The following BCL6 variants were observed in gnomAD, a reference collection of about 807,000 sequenced individuals.
BCL6 encodes the protein BCL6 transcription repressor.
Under a neutral mutation model 59.5 loss-of-function variants are expected in BCL6, and 7 were observed. The observed-to-expected ratio is 0.12, with a 90% CI of 0.07 to 0.22. BCL6 has a LOEUF of 0.22. Ranked by LOEUF, BCL6 falls within the 10% of genes least tolerant of loss-of-function variation. The pLI is 1.00. For synonymous variants in BCL6, 339 were observed against 349.7 expected (o/e 0.97, Z 0.34); for missense variants, 685 against 939.4 (o/e 0.73, Z 3.54).
At chr3:187,737,001 C>T (rs1041440501) in intron 1 of BCL6, 3 of 152,124 alleles carry the variant, frequency 2.0e-5, no homozygotes, top group African/African-American at 4.8e-5. Flanking sequence ...CTGGACACGC[C>T]GCGTCTCCTA....
chr3:187,726,989 C>A, intron 6 of BCL6, 91 bp from the exon 7 acceptor site: 1 of 1,430,278 alleles, frequency 7.0e-7, no homozygotes, highest in Non-Finnish European at 9.6e-7. Flanking sequence ...ACCCCTTGTG[C>A]CAAACTGAAC....
At chr3:187,727,026 C>A in intron 6 of BCL6, 128 bp from the exon 7 acceptor site, 1 of 1,032,702 alleles carries the variant, frequency 9.7e-7, no homozygotes, top group Non-Finnish European at 1.4e-6. Flanking sequence ...ACCCACCCGA[C>A]ATTCATGGGA....
intron 1 of BCL6, among the ~76,000 whole-genome samples, chr3:187,739,614 TA>T (rs1221329796): frequency 6.6e-6 from 1 of 152,168 alleles, no homozygotes; most frequent in Non-Finnish European, 1.5e-5. Context: ...GGAAATGCAA[TA>T]AAACAGAGGG....
At chr3:187,745,223 T>C (rs140531551) in intron 1 of BCL6, among the ~76,000 whole-genome samples, 187 bp downstream of exon 1, 8 of 152,042 alleles carry the variant, frequency 5.3e-5, no homozygotes, top group Middle Eastern at 3.4e-3. Flanking sequence ...AATAAATAAA[T>C]ATATACATTT....
chr3:187,744,664 C>G (rs1711805771), intron 1 of BCL6, among the ~76,000 whole-genome samples: 1 of 152,084 alleles, frequency 6.6e-6, no homozygotes, highest in Admixed American at 6.5e-5. Context: ...ATCTAAAAGA[C>G]CGAGGCCGAT....
At chr3:187,744,455 C>T in intron 1 of BCL6, among the ~76,000 whole-genome samples, 1 of 152,242 alleles carries the variant, frequency 6.6e-6, no homozygotes, top group South Asian at 2.1e-4. Context: ...AACATCCCCG[C>T]CCCCAAGCTC....
chr3:187,743,724 C>G, intron 1 of BCL6, among the ~76,000 whole-genome samples: 1 of 139,138 alleles, frequency 7.2e-6, no homozygotes, highest in African/African-American at 3.1e-5. Context: ...GCTCCTGCTG[C>G]CCCCCCGCCC....
At chr3:187,745,108 A>G (rs1711867574) in intron 1 of BCL6, among the ~76,000 whole-genome samples, 3 of 152,188 alleles carry the variant, frequency 2.0e-5, no homozygotes, top group East Asian at 1.9e-4. Flanking sequence ...CGGCCGATTC[A>G]CTCAAAGACA....
chr3:187,735,610 T>C (rs2108473973), intron 1 of BCL6, among the ~76,000 whole-genome samples: 2 of 152,334 alleles, frequency 1.3e-5, no homozygotes, highest in African/African-American at 4.8e-5. Flanking sequence ...CAGAATGCCA[T>C]TGCTTCTAAG....
intron 4 of BCL6, among the ~76,000 whole-genome samples, chr3:187,731,442 T>A (rs1719036207): frequency 6.6e-6 from 1 of 151,860 alleles, no homozygotes; most frequent in Non-Finnish European, 1.5e-5. Context: ...AAGATTAGCC[T>A]TGCAGGATGG....
intron 6 of BCL6, 92 bp from the exon 7 acceptor site, chr3:187,726,990 C>G: frequency 7.0e-7 from 1 of 1,429,040 alleles, no homozygotes; most frequent in Non-Finnish European, 9.6e-7. Context: ...CCCCTTGTGC[C>G]AAACTGAACT....
At position 187,721,760 on chromosome 3, in the gene BCL6, C is replaced by CA. The variant is rs984090742; in HGVS notation, c.*697dup. 1 of 230,372 alleles carries CA rather than the reference C, an allele frequency of 4.3e-6. No homozygotes were observed. Among genetic ancestry groups the CA allele is most frequent in the Non-Finnish European group, 8.6e-6 (1 of 116,354 alleles). The allele number at this position is 230,372 out of a possible 1,614,324, so 14.3% of individuals were successfully genotyped here. A position where few individuals can be genotyped will look rare whatever the true frequency, so the allele number is the denominator to read the frequency against. On this transcript the variant is annotated 3_prime_UTR_variant, in exon 10 of 10. Coordinates refer to ENST00000406870, the MANE Select transcript of BCL6 (RefSeq NM_001706.5). This position sits in a 1 kb window ranked among gnomAD's most constrained non-coding sequence, Gnocchi z 4.2. ...TTTGTAAATTGTAAACCTTCACTTG[C>CA]AAAAAAATACAAATACACTGAGGCA...
chr3:187,739,107 C>T (rs1315677957), intron 1 of BCL6, among the ~76,000 whole-genome samples: 2 of 152,188 alleles, frequency 1.3e-5, no homozygotes, highest in African/African-American at 4.8e-5. Flanking sequence ...ATGCCTTCCG[C>T]CCTTCCCCCC....
chr3:187,744,870 G>C (rs1296410108), intron 1 of BCL6, among the ~76,000 whole-genome samples: 2 of 152,300 alleles, frequency 1.3e-5, no homozygotes, highest in South Asian at 2.1e-4. Context: ...CACGAATCCA[G>C]AGAGATCACA....
intron 1 of BCL6, among the ~76,000 whole-genome samples, chr3:187,744,959 A>C (rs576717855): frequency 5.3e-5 from 8 of 152,170 alleles, no homozygotes; most frequent in South Asian, 2.1e-4. Context: ...GACAGCCCCC[A>C]GACTAGCCCG....
In BCL6 at chr3:187,721,661, T is replaced by C. The variant is rs893457125; in HGVS notation, c.*797A>G. 4.3e-6 allele frequency: 1 copy of C among 232,964 alleles called. No individual in the cohort carries two copies. The allele number at this position is 232,964 out of a possible 1,614,324, so 14.4% of individuals were successfully genotyped here. A position where few individuals can be genotyped will look rare whatever the true frequency, so the allele number is the denominator to read the frequency against. On this transcript the variant is annotated 3_prime_UTR_variant, in exon 10 of 10. Transcript: ENST00000406870. The surrounding 1 kb of genome is among the most constrained non-coding windows in gnomAD (Gnocchi z 4.2). ...ACACGTTGTACGGGTATATACAAAC[T>C]GAAAACTAGAACAAAATTACACATT...
In BCL6 at chr3:187,731,638, GA is replaced by G. The variant is rs1719047233; in HGVS notation, c.383+70del. The G allele has an allele frequency of 1.0e-5, 15 of 1,477,720 alleles. No individual in the cohort carries two copies. In the East Asian group the frequency reaches 3.4e-4, roughly 34 times the overall value. 91.5% of individuals were successfully genotyped at this position (1,477,720 alleles called of 1,614,324 possible). Reference sequence around the variant, plus strand: ...AGAGGAGTATTTTTTCTGTATGCATGAATTATCAAAGGTTTCTGATCGGGGA... The same window carrying G: ...AGAGGAGTATTTTTTCTGTATGCATGATTATCAAAGGTTTCTGATCGGGGA... On this transcript the variant is annotated intron_variant, in intron 4 of 9. Transcript: ENST00000406870.
At chr3:187,745,127 A>G (rs55921632) in intron 1 of BCL6, among the ~76,000 whole-genome samples, 7 of 152,196 alleles carry the variant, frequency 4.6e-5, no homozygotes, top group East Asian at 3.9e-4. Context: ...CAACAATAAT[A>G]ATAATAAATA....
At chr3:187,737,029 A>G (rs1719311536) in intron 1 of BCL6, 1 of 151,914 alleles carries the variant, frequency 6.6e-6, no homozygotes, top group Non-Finnish European at 1.5e-5. Flanking sequence ...CCATTCCACC[A>G]ATGCCACACA....
Sources: allele counts gnomAD v4.1 joint callset (sites outside exome capture counted in the v4.1 genomes callset), GRCh38; gene constraint gnomAD v4.1.1; non-coding constraint Gnocchi (gnomAD v3.1); transcripts MANE v1.5; gene names NCBI Gene and HGNC (gene_info 2026-07-23, HGNC 2026-07-21).